The following PTDSS1 variants were observed in gnomAD, a reference collection of about 807,000 sequenced individuals.
PTDSS1 encodes the protein phosphatidylserine synthase 1.
PTDSS1 carries 45 observed loss-of-function variants against 70.5 expected under a neutral mutation model. The ratio of observed to expected loss-of-function variants is 0.64; its 90% CI spans 0.50 to 0.82. The LOEUF (loss-of-function observed/expected upper bound fraction) is 0.82. PTDSS1 is among the 40% of genes least tolerant of loss of function. The pLI is 0.00. For missense variants in PTDSS1, 417 were observed against 586.1 expected, an observed-to-expected ratio of 0.71 and a Z score of 2.98; for synonymous variants, 188 against 203.8, an observed-to-expected ratio of 0.92 and a Z score of 0.66.
intron 1 of PTDSS1, among the ~76,000 whole-genome samples, chr8:96,270,090 G>T (rs1314556807): frequency 6.6e-6 from 1 of 152,200 alleles, no homozygotes; most frequent in East Asian, 1.9e-4. Flanking sequence ...CACACAGGCT[G>T]GTGGTCTGGC....
intron 8 of PTDSS1, among the ~76,000 whole-genome samples, chr8:96,307,449 C>CAAAAA: frequency 2.0e-5 from 1 of 50,654 alleles, no homozygotes; most frequent in Non-Finnish European, 3.4e-5. Flanking sequence ...TCAATATTAC[C>CAAAAA]AAAAAAAAAA....
rs1351859349 is a variant in PTDSS1, at chr8:96,262,259, T to A, written c.179+40T>A. 3 of 1,507,596 alleles carry A rather than the reference T, an allele frequency of 2.0e-6. No homozygotes were observed. Among genetic ancestry groups the A allele is most frequent in the South Asian group, 1.2e-5 (1 of 81,876 alleles). The allele number at this position is 1,507,596 out of a possible 1,614,324, so 93.4% of individuals were successfully genotyped here. A position where few individuals can be genotyped will look rare whatever the true frequency, so the allele number is the denominator to read the frequency against. The stretch of plus-strand genomic sequence containing the variant: ...CCGAGCGGGGGGCGCGTCCAAGGGC[T>A]AGGGAAGAGGCGGGAGGGAGGGTGG... On this transcript the variant is annotated intron_variant, in intron 1 of 12. Transcript: ENST00000517309. This position sits in a 1 kb window ranked among gnomAD's most constrained non-coding sequence, Gnocchi z 4.4.
rs148665301 is a variant in PTDSS1, at chr8:96,305,081, A to G, written c.894+900A>G. Among the ~76,000 whole-genome samples the G allele has an allele frequency of 9.9e-3, 1,503 of 152,266 alleles. 32 individuals are homozygous for G. Among genetic ancestry groups the G allele is most frequent in the African/African-American group, 0.034 (1,429 of 41,546 alleles). The stretch of plus-strand genomic sequence containing the variant: ...AGAGGTCAGTATCTTTAAAAACAGG[A>G]CTGTAGATGGATTGGGATTAAGCTT... On this transcript the variant is annotated intron_variant, in intron 7 of 12. Transcript: ENST00000517309.
chr8:96,300,369 C>A (rs115233029), intron 6 of PTDSS1, among the ~76,000 whole-genome samples: 1 of 152,112 alleles, frequency 6.6e-6, no homozygotes, highest in Non-Finnish European at 1.5e-5. Context: ...TTTGTGCACA[C>A]GCTCCCCTCT....
intron 5 of PTDSS1, among the ~76,000 whole-genome samples, chr8:96,295,957 A>C (rs1810968010): frequency 1.3e-5 from 2 of 151,982 alleles, no homozygotes; most frequent in African/African-American, 4.8e-5. Context: ...CCAGAAGTCC[A>C]AGATCAAAGC....
At chr8:96,331,239 A>C (rs780329992) in intron 12 of PTDSS1, 144 bp downstream of exon 12, 1 of 780,430 alleles carries the variant, frequency 1.3e-6, no homozygotes. Flanking sequence ...ATTAAGAAAC[A>C]TGCAATGGCT....
intron 1 of PTDSS1, among the ~76,000 whole-genome samples, chr8:96,272,657 C>T (rs1810583119): frequency 6.6e-6 from 1 of 152,136 alleles, no homozygotes; most frequent in Non-Finnish European, 1.5e-5. Flanking sequence ...CTTTTGCAAC[C>T]TCATTTTGTA....
intron 1 of PTDSS1, among the ~76,000 whole-genome samples, chr8:96,271,365 C>T (rs1177620678): frequency 6.6e-6 from 1 of 152,152 alleles, no homozygotes; most frequent in East Asian, 1.9e-4. Flanking sequence ...TCAGTTGATT[C>T]TTAAAAAGCT....
intron 8 of PTDSS1, among the ~76,000 whole-genome samples, chr8:96,308,556 C>G (rs900437965): frequency 6.6e-6 from 1 of 152,136 alleles, no homozygotes; most frequent in African/African-American, 2.4e-5. Context: ...TTACAAGACT[C>G]CAAGCCATGC....
Position 96,305,591 on chromosome 8 carries a change from T to C in PTDSS1, c.895-853T>C, listed in dbSNP as rs185835990. On this transcript the variant is annotated intron_variant, in intron 7 of 12. Coordinates refer to ENST00000517309, the MANE Select transcript of PTDSS1 (RefSeq NM_014754.3). ...TTGGACCAACCCTTCATACCTACTTTTAAGGACTGCCTTTGGTAGAGGATC... is the reference window on the plus strand; with the variant it reads ...TTGGACCAACCCTTCATACCTACTTCTAAGGACTGCCTTTGGTAGAGGATC... Among the ~76,000 whole-genome samples, 12 of 152,344 alleles carry C rather than the reference T, an allele frequency of 7.9e-5. No individual in the cohort carries two copies. In the East Asian group the frequency reaches 2.3e-3, roughly 29 times the overall value.
At chr8:96,269,676 G>A (rs887035260) in intron 1 of PTDSS1, among the ~76,000 whole-genome samples, 1 of 152,100 alleles carries the variant, frequency 6.6e-6, no homozygotes, top group Non-Finnish European at 1.5e-5. Context: ...CCAATCACAG[G>A]TGAATACCCA....
chr8:96,321,486 C>T (rs1445868715), intron 10 of PTDSS1, among the ~76,000 whole-genome samples: 4 of 152,162 alleles, frequency 2.6e-5, no homozygotes, highest in Non-Finnish European at 4.4e-5. Context: ...TTTCCTCTAT[C>T]GCTAACCCTC....
Position 96,299,703 on chromosome 8 carries a change from A to T in PTDSS1, c.610A>T (p.Met204Leu), listed in dbSNP as rs897699454. ...CTCTTGTGTTTCTCAGCTCTTCTTC[A>T]TGCATCTCCTCCCCAATTTTGCCGA... is the stretch of plus-strand genomic sequence containing the variant. ...ITWELTELFFMHLLPNFAECW... is the reference protein window; with the variant it reads ...ITWELTELFFLHLLPNFAECW... The change falls in exon 6 of 13, where the codon ATG becomes TTG. Residue 204 changes from methionine to leucine, a missense_variant. Transcript: ENST00000517309. The T allele has an allele frequency of 6.2e-7, 1 of 1,610,118 alleles. No individual in the cohort carries two copies. The highest frequency in any genetic ancestry group is 1.3e-5 in the African/African-American group (1 of 74,622).
chr8:96,310,256 C>T (rs926142843), intron 9 of PTDSS1, among the ~76,000 whole-genome samples: 1 of 148,738 alleles, frequency 6.7e-6, no homozygotes, highest in Non-Finnish European at 1.5e-5. Flanking sequence ...CCTCTGCCTT[C>T]TGGGCTCAAG....
chr8:96,297,419 C>T (rs1810990971), intron 5 of PTDSS1, among the ~76,000 whole-genome samples: 1 of 152,130 alleles, frequency 6.6e-6, no homozygotes, highest in Admixed American at 6.5e-5. Flanking sequence ...CTCAGGTGAT[C>T]CACCTGCCTC....
At chr8:96,283,831 A>T in intron 2 of PTDSS1, 1 of 377,520 alleles carries the variant, frequency 2.6e-6, no homozygotes, top group Non-Finnish European at 4.7e-6. Flanking sequence ...CATTGTTTCC[A>T]TGGGAAATTA....
rs983786827 is a variant in PTDSS1 at position 96,279,233 on chromosome 8, G to A, written c.272-4876G>A. 4.4e-4 allele frequency among the ~76,000 whole-genome samples: 66 copies of A among 151,146 alleles called. 1 individual carries two copies. Among genetic ancestry groups the A allele is most frequent in the Non-Finnish European group, 7.4e-5 (5 of 67,842 alleles). On this transcript the variant is annotated intron_variant, in intron 2 of 12. Coordinates refer to ENST00000517309, the MANE Select transcript of PTDSS1 (RefSeq NM_014754.3). ...TGACCTCAGGTGATCTGCCTGCCTCGGCCTCCCAAAGTGTTGGGATTACAG... is the reference window on the plus strand; with the variant it reads ...TGACCTCAGGTGATCTGCCTGCCTCAGCCTCCCAAAGTGTTGGGATTACAG...
At chr8:96,293,009 G>A (rs1810928709) in intron 4 of PTDSS1, among the ~76,000 whole-genome samples, 1 of 152,206 alleles carries the variant, frequency 6.6e-6, no homozygotes, top group South Asian at 2.1e-4. Context: ...GACCTGGCGT[G>A]TGTAGTAGTG....
At chr8:96,286,944 C>T in intron 3 of PTDSS1, 78 bp from the exon 4 acceptor site, 1 of 1,551,476 alleles carries the variant, frequency 6.4e-7, no homozygotes, top group Non-Finnish European at 8.8e-7. Context: ...TTGGCAATGC[C>T]ATTCGAGTCT....
Sources: allele counts gnomAD v4.1 joint callset (sites outside exome capture counted in the v4.1 genomes callset), GRCh38; gene constraint gnomAD v4.1.1; non-coding constraint Gnocchi (gnomAD v3.1); transcripts MANE v1.5; gene names NCBI Gene and HGNC (gene_info 2026-07-23, HGNC 2026-07-21).